Variants in PCDHGA1 observed in about 807,000 individuals in gnomAD.
The protein encoded by PCDHGA1 is protocadherin gamma subfamily A, 1.
Under a neutral mutation model 58.0 loss-of-function variants are expected in PCDHGA1, and 32 were observed. That is an observed-to-expected ratio of 0.55 (90% CI 0.42 to 0.74). PCDHGA1 has a LOEUF of 0.74. Among genes scored for constraint, PCDHGA1 ranks in the 30% least tolerant of loss-of-function variants. PCDHGA1 has a pLI of 0.00. For missense variants in PCDHGA1, 1,205 were observed against 1,182.3 expected, an observed-to-expected ratio of 1.02 and a Z score of -0.28; for synonymous variants, 498 against 501.1, an observed-to-expected ratio of 0.99 and a Z score of 0.08.
intron 1 of PCDHGA1, chr5:141,344,370 A>G (rs1757409142): frequency 1.9e-6 from 3 of 1,613,416 alleles, no homozygotes; most frequent in Non-Finnish European, 1.7e-6. Context: ...GGTTGAGGAT[A>G]AATTGAAAAT....
At chr5:141,361,502 C>T in intron 1 of PCDHGA1, 5 of 1,614,038 alleles carry the variant, frequency 3.1e-6, no homozygotes, top group Non-Finnish European at 4.2e-6. Context: ...CAACAGACTT[C>T]CTACATGGTT....
intron 1 of PCDHGA1, chr5:141,367,919 A>G (rs1225899144): frequency 1.3e-5 from 2 of 152,164 alleles, no homozygotes; most frequent in Non-Finnish European, 2.9e-5. Flanking sequence ...AAAAAAAAGA[A>G]CTCAACTTAA....
Position 141,404,625 on chromosome 5 carries a change from A to G in PCDHGA1, c.2421+71520A>G, listed in dbSNP as rs375300806. The G allele has an allele frequency of 9.0e-5, 146 of 1,614,036 alleles. No homozygotes were observed. The highest frequency in any genetic ancestry group is 5.1e-4 in the South Asian group (46 of 91,078). On this transcript the variant is annotated intron_variant, in intron 1 of 3. Transcript: ENST00000517417. ...CTGTTTGTTTTGGACCAGAATGACA[A>G]TGCCCCAGAAATCCTGTACCCTGCC...
At chr5:141,506,487 G>A (rs1265051912) in intron 3 of PCDHGA1, among the ~76,000 whole-genome samples, 3 of 150,464 alleles carry the variant, frequency 2.0e-5, no homozygotes, top group Non-Finnish European at 4.4e-5. Flanking sequence ...TTAGAGGCAG[G>A]CCAATCTGGA....
rs1297213443 is a variant in PCDHGA1 at position 141,384,466 on chromosome 5, G to A, written c.2421+51361G>A. Reference sequence around the variant, plus strand: ...GTACGCGCTGCAATCCTTTGATTATGAGCAGTTGAGAGAACTACAACTAAG... The same window carrying A: ...GTACGCGCTGCAATCCTTTGATTATAAGCAGTTGAGAGAACTACAACTAAG... On this transcript the variant is annotated intron_variant, in intron 1 of 3. Coordinates refer to ENST00000517417, the MANE Select transcript of PCDHGA1 (RefSeq NM_018912.3). 3 of 1,613,996 alleles carry A rather than the reference G, an allele frequency of 1.9e-6. No individual in the cohort carries two copies. The African/African-American group carries it at 4.0e-5, about 22-fold the overall frequency.
At chr5:141,384,599 T>A (rs772846090) in intron 1 of PCDHGA1, 4 of 1,614,132 alleles carry the variant, frequency 2.5e-6, no homozygotes, top group Non-Finnish European at 2.5e-6. Flanking sequence ...TACCCGGCCC[T>A]CCCCACAGAT....
chr5:141,352,181 G>T (rs759155262), intron 1 of PCDHGA1: 1 of 1,613,744 alleles, frequency 6.2e-7, no homozygotes, highest in South Asian at 1.1e-5. Flanking sequence ...CCTGCTGGTC[G>T]CTGTGCGTGA....
chr5:141,511,138 A>C lies in PCDHGA1; in HGVS notation c.2761A>C (p.Asn921His). 6.2e-7 allele frequency: 1 copy of C among 1,614,210 alleles called. No homozygotes were observed. ...DGKAPAGGNGNKKKSGKKEKK is the reference protein window; with the variant it reads ...DGKAPAGGNGHKKKSGKKEKK ...CAAGGCCCCAGCAGGTGGCAATGGCAACAAGAAGAAGTCGGGCAAGAAGGA... is the reference window on the plus strand; with the variant it reads ...CAAGGCCCCAGCAGGTGGCAATGGCCACAAGAAGAAGTCGGGCAAGAAGGA... Residue 921 changes from asparagine to histidine, a missense_variant, in exon 4 of 4, where the codon AAC becomes CAC. Transcript: ENST00000517417.
intron 1 of PCDHGA1, chr5:141,419,317 T>G: frequency 1.2e-6 from 2 of 1,613,952 alleles, no homozygotes; most frequent in Non-Finnish European, 1.7e-6. Context: ...TCAACGGCCG[T>G]GTCTCCTACT....
intron 1 of PCDHGA1, chr5:141,339,524 G>A: frequency 1.2e-6 from 2 of 1,614,138 alleles, no homozygotes; most frequent in Non-Finnish European, 1.7e-6. Context: ...CGTGCGAAGG[G>A]GAGCTGATGG....
At chr5:141,497,223 T>G (rs921763195) in intron 2 of PCDHGA1, among the ~76,000 whole-genome samples, 14 of 151,762 alleles carry the variant, frequency 9.2e-5, no homozygotes, top group African/African-American at 3.4e-4. Context: ...GGGGGGAAGA[T>G]CAGAGAAGGC....
intron 1 of PCDHGA1, chr5:141,361,738 C>G (rs1860251): frequency 2.5e-6 from 4 of 1,613,022 alleles, no homozygotes; most frequent in Non-Finnish European, 3.4e-6. Flanking sequence ...ACTGCAGGCC[C>G]GCGACCAGGG....
chr5:141,344,315 G>A (rs1450109824), intron 1 of PCDHGA1: 4 of 1,614,040 alleles, frequency 2.5e-6, no homozygotes, highest in Non-Finnish European at 2.5e-6. Flanking sequence ...ACCGGGAGGA[G>A]CTCTGCGCTC....
chr5:141,371,968 T>C (rs768442022), intron 1 of PCDHGA1: 3 of 1,613,154 alleles, frequency 1.9e-6, no homozygotes, highest in Admixed American at 1.7e-5. Context: ...CACGAGCAGC[T>C]GCGTGCCTTC....
At position 141,489,084 on chromosome 5, in the gene PCDHGA1, C is replaced by CCGG; in HGVS notation, c.2422-5723_2422-5722insCGG. ...CTCCCCCCTGCCCACCCCCGCCACT[C>CCGG]GGTGACTAAGAACTGCTGCAAGCAG... On this transcript the variant is annotated intron_variant, in intron 1 of 3. Coordinates refer to ENST00000517417, the MANE Select transcript of PCDHGA1 (RefSeq NM_018912.3). This position sits in a 1 kb window ranked among gnomAD's most constrained non-coding sequence, Gnocchi z 4.5. The CCGG allele has an allele frequency of 3.0e-6, 1 of 329,134 alleles. No homozygotes were observed. The highest frequency in any genetic ancestry group is 2.5e-5 in the African/African-American group (1 of 40,384). 20.4% of individuals were successfully genotyped at this position (329,134 alleles called of 1,614,324 possible). A position where few individuals can be genotyped will look rare whatever the true frequency, so the allele number is the denominator to read the frequency against.
intron 1 of PCDHGA1, among the ~76,000 whole-genome samples, chr5:141,469,172 A>C (rs1310781965): frequency 6.6e-6 from 1 of 152,050 alleles, no homozygotes; most frequent in Admixed American, 6.6e-5. Context: ...GCTACTTGGG[A>C]GGCTGAGGCA....
At chr5:141,427,883 C>T (rs2097084423) in intron 1 of PCDHGA1, 2 of 1,563,700 alleles carry the variant, frequency 1.3e-6, no homozygotes, top group African/African-American at 1.3e-5. Context: ...TGCAGGCCCA[C>T]GACCAGGGCT....
At chr5:141,361,897 G>C (rs1762228885) in intron 1 of PCDHGA1, 1 of 1,609,754 alleles carries the variant, frequency 6.2e-7, no homozygotes, top group Non-Finnish European at 8.5e-7. Flanking sequence ...CGGCTACCTG[G>C]TGACCAAGGT....
At chr5:141,352,001 G>C in intron 1 of PCDHGA1, 2 of 1,610,646 alleles carry the variant, frequency 1.2e-6, no homozygotes, top group East Asian at 2.2e-5. Flanking sequence ...CGCAGAGCCC[G>C]GCTACCTGGT....
Sources: allele counts gnomAD v4.1 joint callset (sites outside exome capture counted in the v4.1 genomes callset), GRCh38; gene constraint gnomAD v4.1.1; non-coding constraint Gnocchi (gnomAD v3.1); transcripts MANE v1.5; gene names NCBI Gene and HGNC (gene_info 2026-07-23, HGNC 2026-07-21).